Variants in MYZAP observed in about 807,000 individuals in gnomAD.
MYZAP encodes the protein myocardial zonula adherens protein.
Under a neutral mutation model 69.4 loss-of-function variants are expected in MYZAP, and 66 were observed. The ratio of observed to expected loss-of-function variants is 0.95; its 90% CI spans 0.78 to 1.17. The LOEUF is 1.17. Ranked by LOEUF, MYZAP falls within the 50% of genes most tolerant of loss-of-function variation. The pLI is 0.00. For missense variants in MYZAP, 611 were observed against 556.2 expected (o/e 1.10, Z -0.99); for synonymous variants, 256 against 205.9 (o/e 1.24, Z -2.09).
chr15:57,644,640 A>T (rs999069011), intron 10 of MYZAP, among the ~76,000 whole-genome samples: 6 of 151,930 alleles, frequency 3.9e-5, no homozygotes, highest in South Asian at 2.1e-4. Context: ...TATTATTATT[A>T]TTTTTTATAG....
chr15:57,625,070 T>TTTTC (rs550738932), intron 4 of MYZAP, among the ~76,000 whole-genome samples: 2 of 151,412 alleles, frequency 1.3e-5, no homozygotes, highest in African/African-American at 4.9e-5. Flanking sequence ...TTTTTTTTTT[T>TTTTC]AAATGAGACG....
At chr15:57,645,283 G>T (rs1405976932) in intron 10 of MYZAP, among the ~76,000 whole-genome samples, 1 of 152,190 alleles carries the variant, frequency 6.6e-6, no homozygotes, top group African/African-American at 2.4e-5. Context: ...AAACAAACTG[G>T]ATCAGGGAGA....
Position 57,592,242 on chromosome 15 carries a change from G to A in MYZAP, c.75+133G>A, listed in dbSNP as rs748735582. 4 of 814,928 alleles carry A rather than the reference G, an allele frequency of 4.9e-6. No individual in the cohort carries two copies. The South Asian group carries it at 1.6e-4, about 33-fold the overall frequency. 50.5% of individuals were successfully genotyped at this position (814,928 alleles called of 1,614,324 possible). A position where few individuals can be genotyped will look rare whatever the true frequency, so the allele number is the denominator to read the frequency against. ...CGCCCCACCCTGGGCTCAACTCCCC[G>A]GTCCTGTGCCGGCTCTGGCAGTGAC... On this transcript the variant is annotated intron_variant, in intron 1 of 12. Coordinates refer to ENST00000267853, the MANE Select transcript of MYZAP (RefSeq NM_001018100.5).
At chr15:57,651,206 A>G (rs1287997400) in intron 10 of MYZAP, among the ~76,000 whole-genome samples, 1 of 152,222 alleles carries the variant, frequency 6.6e-6, no homozygotes, top group East Asian at 1.9e-4. Flanking sequence ...ATTTTTTAGC[A>G]TCAGCTTTGT....
Position 57,629,854 on chromosome 15 carries a change from G to A in MYZAP, c.678G>A (p.Lys226=). ...AQVENQLLKM[K]VESSQEANAE... Reference sequence around the variant, plus strand: ...TTGAAAACCAGCTGCTAAAAATGAAGGTGGAGTATAAAAGCCTAGATTTAT... The same window carrying A: ...TTGAAAACCAGCTGCTAAAAATGAAAGTGGAGTATAAAAGCCTAGATTTAT... Residue 226 remains lysine (K), a splice_region_variant and synonymous_variant, in exon 6 of 13, where the codon AAG becomes AAA. Transcript: ENST00000267853. 6.2e-7 allele frequency: 1 copy of A among 1,612,838 alleles called. No individual in the cohort carries two copies. Among genetic ancestry groups the A allele is most frequent in the Non-Finnish European group, 8.5e-7 (1 of 1,179,668 alleles).
intron 10 of MYZAP, chr15:57,647,133 G>A: frequency 3.0e-6 from 3 of 985,448 alleles, no homozygotes; most frequent in Non-Finnish European, 3.6e-6. Flanking sequence ...AAGCAGGCAT[G>A]AAGCTGCTTT....
chr15:57,616,821 G>GTTTTTTTTTTTTTTTTTTT (rs1595870389), intron 2 of MYZAP, among the ~76,000 whole-genome samples: 4 of 53,314 alleles, frequency 7.5e-5, no homozygotes, highest in African/African-American at 1.8e-4. Flanking sequence ...AAAAAAAAGT[G>GTTTTTTTTTTTTTTTTTTT]CTTTTTTTTT....
At chr15:57,598,659 G>T (rs1428608839) in intron 1 of MYZAP, among the ~76,000 whole-genome samples, 2 of 152,208 alleles carry the variant, frequency 1.3e-5, no homozygotes, top group Non-Finnish European at 2.9e-5. Flanking sequence ...AGATTTGAAT[G>T]ACTCCTCATT....
At chr15:57,597,838 C>G (rs1314254378) in intron 1 of MYZAP, among the ~76,000 whole-genome samples, 1 of 152,208 alleles carries the variant, frequency 6.6e-6, no homozygotes, top group Non-Finnish European at 1.5e-5. Context: ...ATACACTGTT[C>G]CGCATGCAGC....
intron 11 of MYZAP, among the ~76,000 whole-genome samples, chr15:57,670,265 G>A (rs1479654087): frequency 6.6e-6 from 1 of 151,894 alleles, no homozygotes; most frequent in Non-Finnish European, 1.5e-5. Context: ...TGTGTATTTT[G>A]AAACTCTGTT....
intron 1 of MYZAP, among the ~76,000 whole-genome samples, chr15:57,594,342 C>G (rs1278722014): frequency 6.6e-6 from 1 of 152,180 alleles, no homozygotes. Flanking sequence ...TCTTGAACTC[C>G]TGACCTCAAG....
At chr15:57,616,645 A>T (rs1033203474) in intron 2 of MYZAP, among the ~76,000 whole-genome samples, 2 of 151,712 alleles carry the variant, frequency 1.3e-5, no homozygotes, top group South Asian at 4.2e-4. Flanking sequence ...AAAAACAAAC[A>T]AACAAAATAC....
chr15:57,617,967 T>C (rs2035579346), intron 2 of MYZAP, 66 bp from the exon 3 acceptor site: 3 of 1,549,222 alleles, frequency 1.9e-6, no homozygotes, highest in South Asian at 2.6e-5. Context: ...AGTGGGCCCG[T>C]TATTACAACT....
intron 12 of MYZAP, among the ~76,000 whole-genome samples, chr15:57,678,041 C>CAAAAAAAAAAAAAAAAA (rs56102709): frequency 2.8e-4 from 33 of 116,220 alleles, no homozygotes; most frequent in African/African-American, 9.8e-4. Flanking sequence ...TTATCTCTAC[C>CAAAAAAAAAAAAAAAAA]AAAAAAAAAA....
intron 6 of MYZAP, among the ~76,000 whole-genome samples, chr15:57,630,181 T>C (rs1352202188): frequency 6.6e-6 from 1 of 152,218 alleles, no homozygotes; most frequent in Non-Finnish European, 1.5e-5. Flanking sequence ...TTGGCCAGGC[T>C]GGTCTCGAAC....
chr15:57,677,127 C>A lies in MYZAP; in HGVS notation c.1304+2059C>A, dbSNP rs149137031. ...GGTAACTCAGGGCAGTGGCCTTCCA[C>A]CTGCGCTTCTTGGAACTGCCTTACT... On this transcript the variant is annotated intron_variant, in intron 12 of 12. Transcript: ENST00000267853. 4.2e-3 allele frequency among the ~76,000 whole-genome samples: 640 copies of A among 152,310 alleles called. 3 individuals are homozygous for A. The highest frequency in any genetic ancestry group is 0.015 in the African/African-American group (619 of 41,566).
intron 10 of MYZAP, among the ~76,000 whole-genome samples, chr15:57,654,849 A>G (rs1156478288): frequency 3.3e-5 from 5 of 152,062 alleles, no homozygotes; most frequent in Admixed American, 2.6e-4. Context: ...TGGTTGACGT[A>G]TAAGCTCTTT....
At chr15:57,672,542 C>T (rs2038917059) in intron 11 of MYZAP, among the ~76,000 whole-genome samples, 1 of 152,176 alleles carries the variant, frequency 6.6e-6, no homozygotes. Flanking sequence ...GCAGCCCCCA[C>T]TCTTTAGCTG....
In MYZAP at chr15:57,591,930, T is replaced by C. The variant is rs1369727238; in HGVS notation, c.-105T>C. 37 of 1,093,478 alleles carry C rather than the reference T, an allele frequency of 3.4e-5. No individual in the cohort carries two copies. The highest frequency in any genetic ancestry group is 4.1e-5 in the Non-Finnish European group (36 of 869,840). The allele number at this position is 1,093,478 out of a possible 1,614,324, so 67.7% of individuals were successfully genotyped here. ...TTCGCGGTGCAGCTGAGGCTGCAAG[T>C]AGCCGGCGCCGTCCCGCGTCGCCCC... On this transcript the variant is annotated 5_prime_UTR_variant, in exon 1 of 13. Coordinates refer to ENST00000267853, the MANE Select transcript of MYZAP (RefSeq NM_001018100.5).
Sources: gnomAD v4.1 joint callset for allele counts (sites outside exome capture counted in the v4.1 genomes callset) on GRCh38, gnomAD v4.1.1 for gene constraint, MANE v1.5 for transcripts, NCBI Gene and HGNC (gene_info 2026-07-23, HGNC 2026-07-21) for gene names.